CCDC40: variants seen among roughly 807,000 people sequenced by gnomAD.
CCDC40 encodes the protein coiled-coil domain-containing protein 40.
CCDC40 carries 104 observed loss-of-function variants against 124.5 expected under a neutral mutation model. That is an observed-to-expected ratio of 0.84 (90% CI 0.71 to 0.98). The LOEUF (loss-of-function observed/expected upper bound fraction) is 0.98. Ranked by LOEUF, CCDC40 falls within the 50% of genes least tolerant of loss-of-function variation. The pLI, the probability that CCDC40 is intolerant of heterozygous loss-of-function variation, is 0.00. For missense variants in CCDC40, 1,463 were observed against 1,503.9 expected (o/e 0.97, Z 0.45); for synonymous variants, 580 against 602.9 (o/e 0.96, Z 0.56).
intron 7 of CCDC40, among the ~76,000 whole-genome samples, chr17:80,054,268 T>C (rs910375068): frequency 3.9e-5 from 6 of 152,104 alleles, no homozygotes; most frequent in Non-Finnish European, 5.9e-5. Flanking sequence ...GGAGGGTTTT[T>C]TTTGTTTTGT....
intron 7 of CCDC40, chr17:80,051,213 A>G (rs2037579731): frequency 2.1e-6 from 1 of 465,320 alleles, no homozygotes; most frequent in African/African-American, 2.1e-5. Flanking sequence ...TGACCTACAC[A>G]AACCTGGAGG....
At chr17:80,082,716 G>A (rs1464214954) in intron 12 of CCDC40, among the ~76,000 whole-genome samples, 2 of 152,142 alleles carry the variant, frequency 1.3e-5, no homozygotes, top group Non-Finnish European at 2.9e-5. Flanking sequence ...GTGTGAAGGA[G>A]CCCATCCAGC....
intron 10 of CCDC40, 76 bp downstream of exon 10, chr17:80,065,682 T>C: frequency 1.3e-6 from 2 of 1,582,820 alleles, no homozygotes; most frequent in Non-Finnish European, 1.7e-6. Flanking sequence ...ACACCCCCTC[T>C]CTCTGGGTCC....
chr17:80,085,826 C>T (rs895359543), intron 13 of CCDC40, among the ~76,000 whole-genome samples, 177 bp from the exon 14 acceptor site: 4 of 152,054 alleles, frequency 2.6e-5, no homozygotes, highest in African/African-American at 4.8e-5. Context: ...TGCACCAGCA[C>T]ACCTGGCTAA....
intron 17 of CCDC40, 133 bp from the exon 18 acceptor site, chr17:80,095,130 A>G: frequency 1.2e-6 from 1 of 816,340 alleles, no homozygotes; most frequent in Non-Finnish European, 2.1e-6. Flanking sequence ...TCCTGGCGGC[A>G]CAGGCCTCAC....
At chr17:80,083,883 G>T (rs2038516623) in intron 12 of CCDC40, among the ~76,000 whole-genome samples, 1 of 152,196 alleles carries the variant, frequency 6.6e-6, no homozygotes, top group Admixed American at 6.5e-5. Context: ...ATAGAGTACA[G>T]CACAGCCATT....
At chr17:80,047,999 G>A (rs372949802) in intron 4 of CCDC40, among the ~76,000 whole-genome samples, 4 of 152,174 alleles carry the variant, frequency 2.6e-5, no homozygotes, top group Non-Finnish European at 5.9e-5. Context: ...AGCCGGGCGC[G>A]GTGGCTCACG....
intron 17 of CCDC40, among the ~76,000 whole-genome samples, chr17:80,091,113 G>T: frequency 6.6e-6 from 1 of 152,188 alleles, no homozygotes; most frequent in East Asian, 1.9e-4. Flanking sequence ...GGCAGGGCTT[G>T]CCTTGGCCCT....
chr17:80,089,225 A>T (rs1429073095), intron 16 of CCDC40, among the ~76,000 whole-genome samples: 1 of 152,172 alleles, frequency 6.6e-6, no homozygotes, highest in Non-Finnish European at 1.5e-5. Context: ...ACGTGGGCCC[A>T]TATCTCCCTG....
intron 17 of CCDC40, chr17:80,090,619 A>G (rs965158959): frequency 2.7e-6 from 4 of 1,468,354 alleles, no homozygotes; most frequent in Non-Finnish European, 3.6e-6. Context: ...ACAGTCTCAC[A>G]CCACAGAAGG....
chr17:80,045,123 T>C (rs1179813214), intron 3 of CCDC40, among the ~76,000 whole-genome samples: 1 of 152,192 alleles, frequency 6.6e-6, no homozygotes, highest in Non-Finnish European at 1.5e-5. Context: ...GGAAGTGCCG[T>C]GAGACGGTGC....
intron 7 of CCDC40, among the ~76,000 whole-genome samples, chr17:80,053,977 G>T (rs933062746): frequency 3.9e-5 from 6 of 152,260 alleles, no homozygotes; most frequent in Middle Eastern, 3.4e-3. Flanking sequence ...AATCTGCTCA[G>T]ACAAAACCCA....
chr17:80,037,717 A>ATATATATATATATG (rs1254082523), intron 1 of CCDC40, among the ~76,000 whole-genome samples: 5 of 142,996 alleles, frequency 3.5e-5, no homozygotes, highest in Admixed American at 7.0e-5. Context: ...ATATATATAT[A>ATATATATATATATG]TATTCCTGTG....
At chr17:80,053,037 A>T (rs1200250655) in intron 7 of CCDC40, among the ~76,000 whole-genome samples, 1 of 152,260 alleles carries the variant, frequency 6.6e-6, no homozygotes, top group Non-Finnish European at 1.5e-5. Context: ...AATGATTGAT[A>T]TCTTGAGGAG....
chr17:80,084,666 G>C, intron 12 of CCDC40, 77 bp from the exon 13 acceptor site: 1 of 1,544,988 alleles, frequency 6.5e-7, no homozygotes, highest in Non-Finnish European at 8.9e-7. Context: ...CGACCGTCAG[G>C]GAACGGTGGA....
At chr17:80,042,724 C>G (rs903801901) in intron 3 of CCDC40, among the ~76,000 whole-genome samples, 6 of 152,318 alleles carry the variant, frequency 3.9e-5, no homozygotes, top group Middle Eastern at 6.8e-3. Context: ...GAGCAGACCT[C>G]TTGTCTTGCC....
rs944031769 is a variant in CCDC40 at position 80,065,243 on chromosome 17, C to G, written c.1441-242C>G. On this transcript the variant is annotated intron_variant, in intron 9 of 19. Coordinates refer to ENST00000397545, the MANE Select transcript of CCDC40 (RefSeq NM_017950.4). ...CTTCCTCCCTCTCCTCCCTTCCCTC[C>G]TCCTCCTCATTCCCAAGCACTGAGC... 2.9e-5 allele frequency among the ~76,000 whole-genome samples: 4 copies of G among 137,398 alleles called. No individual in the cohort carries two copies. In the Admixed American group the frequency reaches 3.0e-4, roughly 10 times the overall value. The allele number at this position is 137,398 out of a possible 152,430, so 90.1% of individuals were successfully genotyped here. A position where few individuals can be genotyped will look rare whatever the true frequency, so the allele number is the denominator to read the frequency against.
At chr17:80,052,988 A>G (rs1009022975) in intron 7 of CCDC40, among the ~76,000 whole-genome samples, 4 of 152,260 alleles carry the variant, frequency 2.6e-5, no homozygotes, top group African/African-American at 7.2e-5. Flanking sequence ...CTAAAAAGCC[A>G]GTTCGAGGAA....
At position 80,086,306 on chromosome 17, in the gene CCDC40, C is replaced by G. The variant is rs930227489; in HGVS notation, c.2449+90C>G. ...CAGGGGAGGGGCACTCAGTGGGGCA[C>G]GTCGCTGGATTTGCACGCAGCCTTA... On this transcript the variant is annotated intron_variant, in intron 14 of 19. Coordinates refer to ENST00000397545, the MANE Select transcript of CCDC40 (RefSeq NM_017950.4). The surrounding 1 kb of genome is among the most constrained non-coding windows in gnomAD (Gnocchi z 5.5). 24 of 1,069,980 alleles carry G rather than the reference C, an allele frequency of 2.2e-5. No homozygotes were observed. The highest frequency in any genetic ancestry group is 2.5e-5 in the Non-Finnish European group (18 of 712,066). The allele number at this position is 1,069,980 out of a possible 1,614,324, so 66.3% of individuals were successfully genotyped here.
Sources: gnomAD v4.1 joint callset for allele counts (sites outside exome capture counted in the v4.1 genomes callset) on GRCh38, gnomAD v4.1.1 for gene constraint, Gnocchi (gnomAD v3.1) non-coding constraint, MANE v1.5 for transcripts, NCBI Gene and HGNC (gene_info 2026-07-23, HGNC 2026-07-21) for gene names.